ANGPT2: variants seen among roughly 807,000 people sequenced by gnomAD.
The protein encoded by ANGPT2 is angiopoietin-2.
Under a neutral mutation model 62.9 loss-of-function variants are expected in ANGPT2, and 28 were observed. That is an observed-to-expected ratio of 0.44 (90% CI 0.33 to 0.61). The LOEUF is 0.61. Among genes scored for constraint, ANGPT2 ranks in the 20% least tolerant of loss-of-function variants. The pLI is 0.03. For missense variants in ANGPT2, 727 were observed against 594.9 expected (o/e 1.22, Z -2.31); for synonymous variants, 284 against 207.8 (o/e 1.37, Z -3.15).
At chr8:6,556,916 C>T (rs1403165599) in intron 1 of ANGPT2, among the ~76,000 whole-genome samples, 1 of 152,148 alleles carries the variant, frequency 6.6e-6, no homozygotes, top group African/African-American at 2.4e-5. Flanking sequence ...CCTCTGACTT[C>T]TTCTAGGCAC....
At position 6,563,113 on chromosome 8, in the gene ANGPT2, C is replaced by A; in HGVS notation, c.-179G>T. ...AACCTGGTTTTTACTGCTGTGTTCT[C>A]TCCAGGCATGCAGTAAACTGTCAGA... On this transcript the variant is annotated 5_prime_UTR_variant, in exon 1 of 9. It introduces an in-frame stop codon into an upstream open reading frame of the 5' UTR. Coordinates refer to ENST00000629816, the MANE Select transcript of ANGPT2 (RefSeq NM_001118887.2). 1 of 585,286 alleles carries A rather than the reference C, an allele frequency of 1.7e-6. No homozygotes were observed. The allele number at this position is 585,286 out of a possible 1,614,324, so 36.3% of individuals were successfully genotyped here. A position where few individuals can be genotyped will look rare whatever the true frequency, so the allele number is the denominator to read the frequency against.
At chr8:6,559,923 A>G (rs774370275) in intron 1 of ANGPT2, among the ~76,000 whole-genome samples, 1 of 152,136 alleles carries the variant, frequency 6.6e-6, no homozygotes, top group Non-Finnish European at 1.5e-5. Flanking sequence ...TGTTCCATTC[A>G]TATTCCTCTG....
intron 8 of ANGPT2, among the ~76,000 whole-genome samples, chr8:6,504,533 A>G (rs7842236): frequency 2.9e-4 from 44 of 152,214 alleles, no homozygotes; most frequent in African/African-American, 1.1e-3. Context: ...CTTATGTTCA[A>G]GTAACGCTTA....
chr8:6,540,974 C>A (rs1015306435), intron 1 of ANGPT2, among the ~76,000 whole-genome samples: 1 of 152,256 alleles, frequency 6.6e-6, no homozygotes, highest in Non-Finnish European at 1.5e-5. Flanking sequence ...CCCCAGGGGG[C>A]AGGTGGAGCC....
rs1475399687 is a variant in ANGPT2, at chr8:6,521,541, G to T, written c.567-131C>A. The T allele has an allele frequency of 7.4e-6, 5 of 674,374 alleles. No homozygotes were observed. In the Admixed American group the frequency reaches 1.5e-4, roughly 21 times the overall value. The allele number at this position is 674,374 out of a possible 1,614,324, so 41.8% of individuals were successfully genotyped here. On this transcript the variant is annotated intron_variant, in intron 3 of 8. Coordinates refer to ENST00000629816, the MANE Select transcript of ANGPT2 (RefSeq NM_001118887.2). ...GTTATAAAGTAATATGATGTTACCA[G>T]AGCCCTAAGGAATCTCTGAAACTTG...
chr8:6,529,453 CTTT>C (rs200029751), intron 2 of ANGPT2, among the ~76,000 whole-genome samples: 7 of 136,010 alleles, frequency 5.1e-5, no homozygotes, highest in Non-Finnish European at 4.8e-5. Flanking sequence ...AGCCATTTTT[CTTT>C]TTTTTTTTTT....
intron 8 of ANGPT2, among the ~76,000 whole-genome samples, chr8:6,504,890 G>C (rs1485922489): frequency 1.3e-5 from 2 of 151,982 alleles, no homozygotes; most frequent in East Asian, 3.9e-4. Flanking sequence ...ATCTTGGAAT[G>C]TTTCCCCTAA....
At chr8:6,535,312 A>G (rs1357714641) in intron 1 of ANGPT2, among the ~76,000 whole-genome samples, 2 of 152,244 alleles carry the variant, frequency 1.3e-5, no homozygotes, top group African/African-American at 4.8e-5. Flanking sequence ...TTGAAAACTT[A>G]AAGTCAAATT....
chr8:6,519,175 G>A (rs1358707202), intron 5 of ANGPT2, among the ~76,000 whole-genome samples: 3 of 152,170 alleles, frequency 2.0e-5, no homozygotes, highest in Non-Finnish European at 4.4e-5. Flanking sequence ...GGTTAGAATC[G>A]CCTTCCCCAG....
At chr8:6,557,712 C>CACACACAT (rs1554452302) in intron 1 of ANGPT2, among the ~76,000 whole-genome samples, 1 of 150,550 alleles carries the variant, frequency 6.6e-6, no homozygotes, top group East Asian at 1.9e-4. Context: ...CACACACACA[C>CACACACAT]ACATACATAT....
chr8:6,512,509 A>G (rs922234464), intron 7 of ANGPT2, among the ~76,000 whole-genome samples: 2 of 152,184 alleles, frequency 1.3e-5, no homozygotes, highest in African/African-American at 4.8e-5. Context: ...TGTGTGCTCC[A>G]TGATCACGAG....
chr8:6,549,823 T>G (rs1823296269), intron 1 of ANGPT2, among the ~76,000 whole-genome samples: 1 of 152,190 alleles, frequency 6.6e-6, no homozygotes, highest in African/African-American at 2.4e-5. Context: ...ATACAAAAAT[T>G]TACCAAGTTG....
chr8:6,555,147 C>T (rs147126927), intron 1 of ANGPT2, among the ~76,000 whole-genome samples: 4 of 152,066 alleles, frequency 2.6e-5, no homozygotes, highest in Non-Finnish European at 4.4e-5. Flanking sequence ...AATCATTCAA[C>T]TTCACATCAT....
intron 1 of ANGPT2, among the ~76,000 whole-genome samples, chr8:6,542,991 A>C (rs1821886499): frequency 1.3e-5 from 2 of 152,152 alleles, no homozygotes; most frequent in Admixed American, 1.3e-4. Context: ...TTCTGTTTTA[A>C]AAAGGGAGAG....
At chr8:6,528,798 T>C (rs1374022566) in intron 2 of ANGPT2, among the ~76,000 whole-genome samples, 7 of 152,228 alleles carry the variant, frequency 4.6e-5, no homozygotes, top group African/African-American at 7.2e-5. Flanking sequence ...GCTGGTGTCT[T>C]TATGTCATTT....
At position 6,552,119 on chromosome 8, in the gene ANGPT2, C is replaced by T. The variant is rs552218292; in HGVS notation, c.288+10528G>A. ...ACCTCTAAGAAATTCTGAATCTTTT[C>T]TACTAAGATATGTGGCTTGACTGCT... is the stretch of plus-strand genomic sequence containing the variant. On this transcript the variant is annotated intron_variant, in intron 1 of 8. Coordinates refer to ENST00000629816, the MANE Select transcript of ANGPT2 (RefSeq NM_001118887.2). Among the ~76,000 whole-genome samples, 11 of 152,282 alleles carry T rather than the reference C, an allele frequency of 7.2e-5. No individual in the cohort carries two copies. In the South Asian group the frequency reaches 2.1e-3, roughly 29 times the overall value.
intron 1 of ANGPT2, among the ~76,000 whole-genome samples, chr8:6,548,553 C>A (rs1002547864): frequency 6.6e-6 from 1 of 152,168 alleles, no homozygotes; most frequent in African/African-American, 2.4e-5. Flanking sequence ...AAAGATCAGA[C>A]CAGCCAAACT....
intron 2 of ANGPT2, among the ~76,000 whole-genome samples, chr8:6,530,508 CAAA>C (rs55729820): frequency 7.4e-4 from 73 of 98,032 alleles, no homozygotes; most frequent in South Asian, 3.3e-3. Context: ...GACTCTGTCT[CAAA>C]AAAAAAAAAA....
intron 1 of ANGPT2, among the ~76,000 whole-genome samples, chr8:6,541,092 TG>T (rs1189785599): frequency 6.6e-6 from 1 of 152,166 alleles, no homozygotes; most frequent in Non-Finnish European, 1.5e-5. Flanking sequence ...AGGCATGGCC[TG>T]GGGGTTTGTG....
Sources: gnomAD v4.1 joint callset for allele counts (sites outside exome capture counted in the v4.1 genomes callset) on GRCh38, gnomAD v4.1.1 for gene constraint, MANE v1.5 for transcripts, NCBI Gene and HGNC (gene_info 2026-07-23, HGNC 2026-07-21) for gene names.